Variants in ZNF462 observed in about 807,000 individuals in gnomAD.
ZNF462 encodes the protein zinc finger PBX1-interacting protein.
Under a neutral mutation model 201.9 loss-of-function variants are expected in ZNF462, and 10 were observed. The observed-to-expected ratio is 0.05, with a 90% confidence interval of 0.03 to 0.08. ZNF462 has a LOEUF of 0.08. Ranked by LOEUF, ZNF462 falls within the 10% of genes least tolerant of loss-of-function variation. ZNF462 has a pLI of 1.00. For missense variants in ZNF462, 2,523 were observed against 3,168.3 expected, an observed-to-expected ratio of 0.80 and a Z score of 4.89; for synonymous variants, 1,227 against 1,193.3, an observed-to-expected ratio of 1.03 and a Z score of -0.58.
chr9:106,909,543 T>C (rs1272934653), intron 1 of ZNF462, among the ~76,000 whole-genome samples: 1 of 152,212 alleles, frequency 6.6e-6, no homozygotes, highest in Non-Finnish European at 1.5e-5. Flanking sequence ...ACTTACATGC[T>C]GCATTCTCTG....
chr9:106,864,100 CTCTCTCT>C lies in ZNF462; in HGVS notation c.-31+746_-31+752del, dbSNP rs1564062791. 7.4e-4 allele frequency among the ~76,000 whole-genome samples: 92 copies of C among 125,154 alleles called. 9 individuals are homozygous for C. Among genetic ancestry groups the C allele is most frequent in the South Asian group, 1.6e-3 (6 of 3,686 alleles). The allele number at this position is 125,154 out of a possible 152,430, so 82.1% of individuals were successfully genotyped here. On this transcript the variant is annotated intron_variant, in intron 1 of 12. Transcript: ENST00000277225. ...TCTCTCTCTCTCTCTCTCTCTCTCT[CTCTCTCT>C]CTCCCTCTCCCCGAAGTTGGGATGC...
At chr9:106,869,581 G>A (rs764875709) in intron 1 of ZNF462, among the ~76,000 whole-genome samples, 8 of 152,220 alleles carry the variant, frequency 5.3e-5, no homozygotes, top group Non-Finnish European at 1.0e-4. Context: ...GCAGTCTGGA[G>A]AAGGTAGTGC....
rs1420003708 is a variant in ZNF462, at chr9:106,929,428, A to T, written c.5516A>T (p.Gln1839Leu). The T allele has an allele frequency of 6.2e-7, 1 of 1,614,118 alleles. No homozygotes were observed. The highest frequency in any genetic ancestry group is 2.2e-5 in the East Asian group (1 of 44,844). The change falls in exon 3 of 13, where the codon CAG (glutamine) becomes CTG (leucine). Residue 1839 changes from glutamine to leucine, a missense_variant. Physicochemically the swap from Gln to Leu is moderately radical, Grantham distance 113 (BLOSUM62 -2). Coordinates refer to ENST00000277225, the MANE Select transcript of ZNF462 (RefSeq NM_021224.6). The surrounding 1 kb of genome is among the most constrained non-coding windows in gnomAD (Gnocchi z 8.7). Reference protein sequence around the residue: ...FEKAEVEGEAQEIEWLPFRCI... With the variant: ...FEKAEVEGEALEIEWLPFRCI... Reference sequence around the variant, plus strand: ...AAAGCCGAGGTGGAGGGTGAAGCTCAGGAAATCGAGTGGCTCCCATTCCGC... The same window carrying T: ...AAAGCCGAGGTGGAGGGTGAAGCTCTGGAAATCGAGTGGCTCCCATTCCGC...
intron 10 of ZNF462, among the ~76,000 whole-genome samples, chr9:107,000,260 C>T (rs1157313903): frequency 4.6e-5 from 7 of 151,758 alleles, no homozygotes; most frequent in Non-Finnish European, 1.0e-4. Context: ...CATGAGAGCC[C>T]GCCATGTAAA....
chr9:106,990,747 T>G (rs1175264626), intron 10 of ZNF462, among the ~76,000 whole-genome samples: 2 of 152,090 alleles, frequency 1.3e-5, no homozygotes, highest in African/African-American at 4.8e-5. Flanking sequence ...TTTATGAGAC[T>G]CATGCTTATT....
At chr9:106,936,972 C>T (rs927956983) in intron 6 of ZNF462, among the ~76,000 whole-genome samples, 2 of 152,188 alleles carry the variant, frequency 1.3e-5, no homozygotes, top group Admixed American at 1.3e-4. Flanking sequence ...TCTTGACATA[C>T]CTTGGAACCT....
intron 11 of ZNF462, among the ~76,000 whole-genome samples, chr9:107,007,219 G>C (rs914277567): frequency 1.3e-5 from 2 of 152,172 alleles, no homozygotes; most frequent in African/African-American, 4.8e-5. Flanking sequence ...TACCCTTCTA[G>C]GCTTCTGCTC....
intron 7 of ZNF462, among the ~76,000 whole-genome samples, chr9:106,960,480 A>G (rs571729791): frequency 1.3e-5 from 2 of 152,256 alleles, no homozygotes; most frequent in Admixed American, 6.5e-5. Flanking sequence ...TTTGTGCTCA[A>G]CACTTTTTGT....
chr9:106,991,839 TACACACACA>T lies in ZNF462; in HGVS notation c.7056+7431_7056+7439del, dbSNP rs1290729037. On this transcript the variant is annotated intron_variant, in intron 10 of 12. Transcript: ENST00000277225. The stretch of plus-strand genomic sequence containing the variant: ...GACCCTTGACCTTTACAGCACTCTC[TACACACACA>T]CACACACACACACACACACACACAC... 2.0e-4 allele frequency among the ~76,000 whole-genome samples: 27 copies of T among 136,346 alleles called. 1 individual carries two copies. Among genetic ancestry groups the T allele is most frequent in the African/African-American group, 7.3e-4 (26 of 35,396 alleles). The allele number at this position is 136,346 out of a possible 152,430, so 89.4% of individuals were successfully genotyped here.
At position 106,883,011 on chromosome 9, in the gene ZNF462, A is replaced by C. The variant is rs911240339; in HGVS notation, c.-31+19656A>C. Among the ~76,000 whole-genome samples, 1 of 152,254 alleles carries C rather than the reference A, an allele frequency of 6.6e-6. No homozygotes were observed. The highest frequency in any genetic ancestry group is 1.5e-5 in the Non-Finnish European group (1 of 68,042). On this transcript the variant is annotated intron_variant, in intron 1 of 12. Transcript: ENST00000277225. The surrounding 1 kb of genome is among the most constrained non-coding windows in gnomAD (Gnocchi z 4.9). ...TCTTTGAAGATGGTCAAGCAGATTCAGAAAACATCCTTCTTCACCTTTGAC... is the reference window on the plus strand; with the variant it reads ...TCTTTGAAGATGGTCAAGCAGATTCCGAAAACATCCTTCTTCACCTTTGAC...
chr9:106,939,151 G>A (rs1162672640), intron 7 of ZNF462, 44 bp downstream of exon 7: 1 of 1,477,068 alleles, frequency 6.8e-7, no homozygotes, highest in African/African-American at 1.4e-5. Flanking sequence ...TCAGGGTTGA[G>A]GTGGGCTGGG....
intron 1 of ZNF462, among the ~76,000 whole-genome samples, chr9:106,871,470 T>C (rs1439434535): frequency 6.6e-6 from 1 of 152,186 alleles, no homozygotes; most frequent in African/African-American, 2.4e-5. Context: ...AATAATTGAC[T>C]AGCCAAATTG....
Position 107,010,746 on chromosome 9 carries a change from G to A in ZNF462, c.7314-77G>A. ...ATCAGGAAAATAAAGACACTCGAGGGTTTTTATTATTTTTTTGTTTAAAAA... is the reference window on the plus strand; with the variant it reads ...ATCAGGAAAATAAAGACACTCGAGGATTTTTATTATTTTTTTGTTTAAAAA... On this transcript the variant is annotated intron_variant, in intron 12 of 12. Transcript: ENST00000277225. The surrounding 1 kb of genome is among the most constrained non-coding windows in gnomAD (Gnocchi z 4.6). The A allele has an allele frequency of 7.4e-7, 1 of 1,358,680 alleles. No homozygotes were observed. The allele number at this position is 1,358,680 out of a possible 1,614,324, so 84.2% of individuals were successfully genotyped here.
rs1830381284 is a variant in ZNF462 at position 106,930,483 on chromosome 9, G to A, written c.5848-42G>A. 1 of 1,600,282 alleles carries A rather than the reference G, an allele frequency of 6.2e-7. No individual in the cohort carries two copies. Among genetic ancestry groups the A allele is most frequent in the South Asian group, 1.1e-5 (1 of 90,232 alleles). ...GCAAGAATAAATTCTGACAATTGAG[G>A]GAGGGCTCGGAGTACTGATGGCTAC... is the stretch of plus-strand genomic sequence containing the variant. On this transcript the variant is annotated intron_variant, in intron 3 of 12. Transcript: ENST00000277225. This position sits in a 1 kb window ranked among gnomAD's most constrained non-coding sequence, Gnocchi z 5.8.
In ZNF462 at chr9:106,911,356, A is replaced by G. The variant is rs80070681; in HGVS notation, c.-30-11998A>G. ...GGCAGCATTTTAAAATAGGGCTCCAATGCAGTGGAGCAAGGAATGCTCACT... is the reference window on the plus strand; with the variant it reads ...GGCAGCATTTTAAAATAGGGCTCCAGTGCAGTGGAGCAAGGAATGCTCACT... On this transcript the variant is annotated intron_variant, in intron 1 of 12. Transcript: ENST00000277225. Among the ~76,000 whole-genome samples the G allele has an allele frequency of 8.2e-3, 1,247 of 152,320 alleles. 20 individuals carry two copies. The highest frequency in any genetic ancestry group is 0.028 in the African/African-American group (1,175 of 41,572).
Position 106,984,033 on chromosome 9 carries a change from A to AG in ZNF462, c.6833-149dup. Among the ~76,000 whole-genome samples the AG allele has an allele frequency of 6.6e-6, 1 of 152,258 alleles. No homozygotes were observed. Among genetic ancestry groups the AG allele is most frequent in the Middle Eastern group, 3.4e-3 (1 of 294 alleles). On this transcript the variant is annotated intron_variant, in intron 9 of 12. Coordinates refer to ENST00000277225, the MANE Select transcript of ZNF462 (RefSeq NM_021224.6). The surrounding 1 kb of genome is among the most constrained non-coding windows in gnomAD (Gnocchi z 6.4). ...CTGAGGAATATGTTGTTTGGGGGTT[A>AG]GGGGAGGGGCAGGGTGCATGTGTGT...
intron 1 of ZNF462, among the ~76,000 whole-genome samples, chr9:106,909,975 G>C (rs1478938239): frequency 6.6e-6 from 1 of 152,012 alleles, no homozygotes; most frequent in East Asian, 1.9e-4. Context: ...CTGTATGTTC[G>C]ATCTGTTTTC....
intron 7 of ZNF462, among the ~76,000 whole-genome samples, chr9:106,941,452 A>G (rs904474629): frequency 2.0e-5 from 3 of 152,180 alleles, no homozygotes; most frequent in Non-Finnish European, 4.4e-5. Flanking sequence ...AGCTCTCTCT[A>G]TAACATAGAT....
chr9:106,971,241 G>A (rs886381860), intron 7 of ZNF462, among the ~76,000 whole-genome samples: 1 of 151,586 alleles, frequency 6.6e-6, no homozygotes, highest in African/African-American at 2.4e-5. Flanking sequence ...GGCTGCAAAG[G>A]AGGAGATGTT....
Sources: allele counts gnomAD v4.1 joint callset (sites outside exome capture counted in the v4.1 genomes callset), GRCh38; gene constraint gnomAD v4.1.1; non-coding constraint Gnocchi (gnomAD v3.1); transcripts MANE v1.5; gene names NCBI Gene and HGNC (gene_info 2026-07-23, HGNC 2026-07-21).